The following TBC1D22A variants were observed in gnomAD, a reference collection of about 807,000 sequenced individuals.
TBC1D22A encodes putative GTPase activator.
A neutral mutation model predicts 60.2 loss-of-function variants in TBC1D22A; 38 were observed. The observed-to-expected ratio is 0.63, with a 90% CI of 0.49 to 0.83. The LOEUF is 0.83. TBC1D22A is among the 40% of genes least tolerant of loss of function. TBC1D22A has a pLI of 0.00. For missense variants in TBC1D22A, 628 were observed against 701.0 expected (o/e 0.90, Z 1.18); for synonymous variants, 302 against 281.7 (o/e 1.07, Z -0.72).
intron 8 of TBC1D22A, among the ~76,000 whole-genome samples, chr22:46,942,704 A>T (rs867128318): frequency 6.6e-5 from 10 of 152,220 alleles, no homozygotes; most frequent in Admixed American, 1.3e-4. Context: ...TTCCTGTAGC[A>T]GTCACGTCGC....
At chr22:46,767,589 T>G (rs2083330428) in intron 1 of TBC1D22A, among the ~76,000 whole-genome samples, 1 of 152,058 alleles carries the variant, frequency 6.6e-6, no homozygotes, top group African/African-American at 2.4e-5. Context: ...ATAACATAGC[T>G]CAGTTAAATG....
intron 11 of TBC1D22A, among the ~76,000 whole-genome samples, chr22:47,100,917 G>A (rs940770439): frequency 6.6e-6 from 1 of 152,198 alleles, no homozygotes; most frequent in Admixed American, 6.5e-5. Flanking sequence ...CTCTGGTTAG[G>A]CAGTTAGAGC....
At chr22:46,984,366 CAAAAAAAAAAAAAAAAAAAAAAAA>C (rs136119) in intron 9 of TBC1D22A, among the ~76,000 whole-genome samples, 304 of 27,772 alleles carry the variant, frequency 0.011, 4 homozygotes, top group East Asian at 0.019. Context: ...GACTCCATCT[CAAAAAAAAAAAAAAAAAAAAAAAA>C]AAAAAAAAAA....
chr22:46,804,920 A>G (rs1353899374), intron 4 of TBC1D22A, among the ~76,000 whole-genome samples: 1 of 152,120 alleles, frequency 6.6e-6, no homozygotes, highest in Non-Finnish European at 1.5e-5. Context: ...TCTTTTGTAG[A>G]TGAGGATATT....
chr22:47,017,828 A>T (rs2061957514), intron 10 of TBC1D22A, among the ~76,000 whole-genome samples: 2 of 152,206 alleles, frequency 1.3e-5, no homozygotes, highest in Non-Finnish European at 2.9e-5. Flanking sequence ...TTATCCTTTG[A>T]TAAAGGAATC....
intron 10 of TBC1D22A, among the ~76,000 whole-genome samples, chr22:47,035,231 G>C (rs142169336): frequency 6.6e-6 from 1 of 152,202 alleles, no homozygotes; most frequent in Admixed American, 6.5e-5. Flanking sequence ...TCCGGGGCCT[G>C]CCTGGCCTGC....
chr22:47,074,057 A>G (rs901875523), intron 11 of TBC1D22A, among the ~76,000 whole-genome samples: 5 of 152,200 alleles, frequency 3.3e-5, no homozygotes, highest in Non-Finnish European at 5.9e-5. Context: ...GCAGTGAGCT[A>G]TGATCGCACC....
intron 4 of TBC1D22A, 133 bp from the exon 5 acceptor site, chr22:46,878,520 T>C: frequency 1.4e-6 from 1 of 733,464 alleles, no homozygotes; most frequent in Non-Finnish European, 2.4e-6. Context: ...ATCTGAAATG[T>C]TGATGATTTA....
chr22:47,161,158 A>T (rs1276313877), intron 12 of TBC1D22A, among the ~76,000 whole-genome samples: 1 of 152,164 alleles, frequency 6.6e-6, no homozygotes, highest in Non-Finnish European at 1.5e-5. Context: ...CTAGAAAGAG[A>T]CGGTGCCTGG....
chr22:46,797,400 G>C, intron 3 of TBC1D22A, 44 bp from the exon 4 acceptor site: 1 of 1,604,856 alleles, frequency 6.2e-7, no homozygotes, highest in Non-Finnish European at 8.5e-7. Context: ...CGTGTAGTCG[G>C]GAGGAGCGCC....
intron 9 of TBC1D22A, among the ~76,000 whole-genome samples, chr22:46,994,936 TTC>T (rs1483424934): frequency 6.6e-6 from 1 of 152,182 alleles, no homozygotes; most frequent in African/African-American, 2.4e-5. Flanking sequence ...GAGCCAAAAT[TTC>T]TTACTCCTGT....
At chr22:46,861,778 G>A (rs1005797020) in intron 4 of TBC1D22A, among the ~76,000 whole-genome samples, 6 of 152,266 alleles carry the variant, frequency 3.9e-5, no homozygotes, top group Non-Finnish European at 8.8e-5. Context: ...GGCCATGGCT[G>A]ACAGTGGGGC....
chr22:47,130,731 A>T (rs1029527472), intron 12 of TBC1D22A, among the ~76,000 whole-genome samples: 1 of 152,132 alleles, frequency 6.6e-6, no homozygotes, highest in African/African-American at 2.4e-5. Context: ...CAAGGTTTTC[A>T]TCTCTAAGAT....
intron 12 of TBC1D22A, among the ~76,000 whole-genome samples, chr22:47,164,196 C>T (rs1024513880): frequency 6.6e-6 from 1 of 152,192 alleles, no homozygotes; most frequent in African/African-American, 2.4e-5. Context: ...GAGCAGGAGC[C>T]CCTCCCCGCA....
At chr22:46,881,330 G>A (rs1239743829) in intron 5 of TBC1D22A, among the ~76,000 whole-genome samples, 1 of 152,190 alleles carries the variant, frequency 6.6e-6, no homozygotes, top group African/African-American at 2.4e-5. Context: ...AGCAGGCAGG[G>A]AAGAAGACCA....
chr22:47,101,303 T>C (rs1234753605), intron 11 of TBC1D22A, among the ~76,000 whole-genome samples: 1 of 152,194 alleles, frequency 6.6e-6, no homozygotes. Flanking sequence ...AGACTGGAAG[T>C]GTCCCCCTGC....
At chr22:47,172,902 G>A (rs764904132) in intron 12 of TBC1D22A, among the ~76,000 whole-genome samples, 22 of 152,360 alleles carry the variant, frequency 1.4e-4, no homozygotes, top group Non-Finnish European at 2.4e-4. Context: ...GGCCTGAGCC[G>A]GCTCCGTTCT....
At chr22:46,854,539 C>T (rs1292145631) in intron 4 of TBC1D22A, among the ~76,000 whole-genome samples, 6 of 152,104 alleles carry the variant, frequency 3.9e-5, no homozygotes, top group African/African-American at 1.4e-4. Context: ...GAAGCCCACC[C>T]CCACCTGTTC....
intron 9 of TBC1D22A, 87 bp downstream of exon 9, chr22:46,974,486 C>T (rs767552204): frequency 2.6e-5 from 29 of 1,105,580 alleles, no homozygotes; most frequent in Non-Finnish European, 3.9e-5. Flanking sequence ...TCCTGAGTCT[C>T]AGTGTGGCCA....
Sources: gnomAD v4.1 joint callset for allele counts (sites outside exome capture counted in the v4.1 genomes callset) on GRCh38, gnomAD v4.1.1 for gene constraint, MANE v1.5 for transcripts, NCBI Gene and HGNC (gene_info 2026-07-23, HGNC 2026-07-21) for gene names.